SGIP1: variants seen among roughly 807,000 people sequenced by gnomAD.
The protein encoded by SGIP1 is SH3-containing GRB2-like protein 3-interacting protein 1.
SGIP1 carries 38 observed loss-of-function variants against 107.5 expected under a neutral mutation model. The observed-to-expected ratio is 0.35, with a 90% CI of 0.27 to 0.46. SGIP1 has a LOEUF of 0.46. SGIP1 is among the 20% of genes least tolerant of loss of function. The pLI is 1.00. For synonymous variants in SGIP1, 365 were observed against 366.1 expected, an observed-to-expected ratio of 1.00 and a Z score of 0.03; for missense variants, 929 against 1,019.5, an observed-to-expected ratio of 0.91 and a Z score of 1.21.
chr1:66,645,988 G>T (rs552895929), intron 7 of SGIP1, among the ~76,000 whole-genome samples: 2 of 151,998 alleles, frequency 1.3e-5, no homozygotes, highest in South Asian at 2.1e-4. Flanking sequence ...TTACAGGCAC[G>T]TGCCACCATG....
Position 66,739,501 on chromosome 1 carries a change from T to A in SGIP1, c.2198T>A (p.Val733Asp), listed in dbSNP as rs1272757655. The change falls in exon 22 of 25, where the codon GTC (valine) becomes GAC (aspartate). Residue 733 changes from valine to aspartate, a missense_variant. By Grantham distance (152) the Val-to-Asp change is radical (BLOSUM62 -3). Transcript: ENST00000371037. Reference sequence around the variant, plus strand: ...TTCCTGGTCCCCATCGACGGAGGAGTCACCAAGCTCCAGGCAGTGCTCCCA... The same window carrying A: ...TTCCTGGTCCCCATCGACGGAGGAGACACCAAGCTCCAGGCAGTGCTCCCA... Reference protein sequence around the residue: ...VQFLVPIDGGVTKLQAVLPPA... With the variant: ...VQFLVPIDGGDTKLQAVLPPA... The A allele has an allele frequency of 6.2e-7, 1 of 1,613,420 alleles. No homozygotes were observed. Among genetic ancestry groups the A allele is most frequent in the Non-Finnish European group, 8.5e-7 (1 of 1,179,912 alleles).
intron 1 of SGIP1, among the ~76,000 whole-genome samples, chr1:66,588,456 A>G (rs1175450477): frequency 1.3e-5 from 2 of 152,168 alleles, no homozygotes. Flanking sequence ...ATGTTCTGTG[A>G]AAGACAGATT....
At chr1:66,638,251 T>C (rs1571052928) in intron 4 of SGIP1, among the ~76,000 whole-genome samples, 1 of 152,170 alleles carries the variant, frequency 6.6e-6, no homozygotes, top group East Asian at 1.9e-4. Context: ...CCCTGTCTAT[T>C]CCCAAGTGAG....
At chr1:66,548,578 T>C (rs577324247) in intron 1 of SGIP1, among the ~76,000 whole-genome samples, 1 of 152,300 alleles carries the variant, frequency 6.6e-6, no homozygotes, top group East Asian at 1.9e-4. Context: ...TTGAAGCACT[T>C]CAATTATTTG....
intron 17 of SGIP1, chr1:66,694,636 T>C: frequency 1.7e-6 from 1 of 577,484 alleles, no homozygotes; most frequent in Non-Finnish European, 2.7e-6. Context: ...ATGCACCCTG[T>C]ATATTTACTG....
chr1:66,716,236 C>A (rs909593658), intron 18 of SGIP1, among the ~76,000 whole-genome samples: 3 of 152,132 alleles, frequency 2.0e-5, no homozygotes, highest in African/African-American at 7.2e-5. Context: ...TAGAGAGTTC[C>A]TTCGCAATGG....
rs186361228 is a variant in SGIP1 at position 66,749,527 on chromosome 1, T to A, written c.*6432T>A. On this transcript the variant is annotated 3_prime_UTR_variant, in exon 25 of 25. Coordinates refer to ENST00000371037, the MANE Select transcript of SGIP1 (RefSeq NM_032291.4). ...TTTTATACCAAATTAACGAAGTTTCTTTAAAAACTTCCTGGTTAAATTGTC... is the reference window on the plus strand; with the variant it reads ...TTTTATACCAAATTAACGAAGTTTCATTAAAAACTTCCTGGTTAAATTGTC... Among the ~76,000 whole-genome samples, 6 of 152,130 alleles carry A rather than the reference T, an allele frequency of 3.9e-5. 1 individual carries two copies. In the East Asian group the frequency reaches 1.2e-3, roughly 29 times the overall value.
intron 18 of SGIP1, among the ~76,000 whole-genome samples, chr1:66,705,216 C>T (rs2092381999): frequency 6.6e-6 from 1 of 152,174 alleles, no homozygotes; most frequent in Admixed American, 6.5e-5. Flanking sequence ...ACCAAGTCAC[C>T]AGGACACAAG....
chr1:66,579,919 T>C (rs2148721324), intron 1 of SGIP1, among the ~76,000 whole-genome samples: 1 of 152,266 alleles, frequency 6.6e-6, no homozygotes, highest in East Asian at 1.9e-4. Context: ...TTTTTCATAT[T>C]CCACTTTCAA....
intron 1 of SGIP1, among the ~76,000 whole-genome samples, chr1:66,599,087 C>T (rs1027248026): frequency 1.3e-5 from 2 of 152,094 alleles, no homozygotes; most frequent in Admixed American, 6.5e-5. Flanking sequence ...AAATACAATT[C>T]GGTTGTTATT....
intron 1 of SGIP1, among the ~76,000 whole-genome samples, chr1:66,600,827 C>T (rs1270050172): frequency 6.6e-6 from 1 of 152,160 alleles, no homozygotes; most frequent in Admixed American, 6.5e-5. Context: ...AACTAGAAAA[C>T]TCATTCCACC....
chr1:66,548,937 G>A (rs527803026), intron 1 of SGIP1, among the ~76,000 whole-genome samples: 1 of 152,330 alleles, frequency 6.6e-6, no homozygotes, highest in Admixed American at 6.5e-5. Context: ...AAGGCTTCCT[G>A]TAGGTGGGAA....
chr1:66,612,691 T>C (rs2068288071), intron 1 of SGIP1, among the ~76,000 whole-genome samples: 1 of 152,226 alleles, frequency 6.6e-6, no homozygotes, highest in Non-Finnish European at 1.5e-5. Context: ...CTTGAGAGAT[T>C]AAATGATTTT....
At chr1:66,540,559 G>A (rs1398804748) in intron 1 of SGIP1, among the ~76,000 whole-genome samples, 1 of 152,212 alleles carries the variant, frequency 6.6e-6, no homozygotes, top group Non-Finnish European at 1.5e-5. Context: ...GACTTGGAAT[G>A]TGGGAAAGTA....
chr1:66,730,332 GCA>G (rs1025538331), intron 20 of SGIP1, among the ~76,000 whole-genome samples: 2 of 151,912 alleles, frequency 1.3e-5, no homozygotes, highest in African/African-American at 4.8e-5. Context: ...TTATGCATAT[GCA>G]CAGTCACACA....
At chr1:66,723,044 G>C (rs763668994) in intron 19 of SGIP1, among the ~76,000 whole-genome samples, 3 of 152,058 alleles carry the variant, frequency 2.0e-5, no homozygotes, top group Non-Finnish European at 4.4e-5. Context: ...TTAAAATTTT[G>C]AAATCAGAAA....
intron 1 of SGIP1, among the ~76,000 whole-genome samples, chr1:66,623,128 T>G (rs1241092195): frequency 1.3e-5 from 2 of 152,256 alleles, no homozygotes; most frequent in African/African-American, 4.8e-5. Context: ...TTGGATCTTC[T>G]GAAAGATTCA....
intron 1 of SGIP1, among the ~76,000 whole-genome samples, chr1:66,552,037 A>G (rs967246716): frequency 6.6e-6 from 1 of 152,116 alleles, no homozygotes; most frequent in Admixed American, 6.5e-5. Flanking sequence ...TAGATGAAGA[A>G]ACTGAGGCTC....
rs145704046 is a variant in SGIP1 at position 66,655,150 on chromosome 1, G to A, written c.460-5363G>A. ...TCCTGATAAGTAACAGCAATAAGCC[G>A]CATTGGAGCAGAGTAAAGCCAAAAT... On this transcript the variant is annotated intron_variant, in intron 7 of 24. Coordinates refer to ENST00000371037, the MANE Select transcript of SGIP1 (RefSeq NM_032291.4). Among the ~76,000 whole-genome samples the A allele has an allele frequency of 4.6e-5, 7 of 151,964 alleles. No homozygotes were observed. The South Asian group carries it at 1.0e-3, about 23-fold the overall frequency.
Sources: allele counts gnomAD v4.1 joint callset (sites outside exome capture counted in the v4.1 genomes callset), GRCh38; gene constraint gnomAD v4.1.1; transcripts MANE v1.5; gene names NCBI Gene and HGNC (gene_info 2026-07-23, HGNC 2026-07-21).